Variants in PTPRU observed in about 807,000 individuals in gnomAD.
PTPRU encodes the protein protein tyrosine phosphatase receptor type U, also known as receptor-type tyrosine-protein phosphatase U.
PTPRU carries 69 observed loss-of-function variants against 166.3 expected under a neutral mutation model. The ratio of observed to expected loss-of-function variants is 0.41; its 90% confidence interval spans 0.34 to 0.51. The LOEUF (loss-of-function observed/expected upper bound fraction) is 0.51. Among genes scored for constraint, PTPRU ranks in the 20% least tolerant of loss-of-function variants. The probability of loss-of-function intolerance (pLI) is 0.09; values close to 1 mark genes in which losing one functional copy is unlikely to be tolerated. For synonymous variants in PTPRU, 793 were observed against 814.0 expected, an observed-to-expected ratio of 0.97 and a Z score of 0.44; for missense variants, 1,657 against 2,013.7, an observed-to-expected ratio of 0.82 and a Z score of 3.39.
chr1:29,266,251 G>A (rs1281043644), intron 7 of PTPRU, among the ~76,000 whole-genome samples: 1 of 151,638 alleles, frequency 6.6e-6, no homozygotes, highest in South Asian at 2.1e-4. Context: ...TAGGTGATCC[G>A]GCCTCCCAAA....
Position 29,317,819 on chromosome 1 carries a change from C to T in PTPRU, c.3585C>T (p.Asp1195=), listed in dbSNP as rs762136052. The change falls in exon 25 of 30, where the codon GAC becomes GAT. Residue 1195 remains aspartate (D), a synonymous_variant. Transcript: ENST00000373779. This position sits in a 1 kb window ranked among gnomAD's most constrained non-coding sequence, Gnocchi z 5.6. The part of the protein sequence containing the change: ...CSIALLPRNR[D]KNRSMDVLPP... Reference sequence around the variant, plus strand: ...TCGCCCTGTTGCCCCGGAACCGCGACAAGAACCGCAGCATGGACGTCCTGC... The same window carrying T: ...TCGCCCTGTTGCCCCGGAACCGCGATAAGAACCGCAGCATGGACGTCCTGC... 6.2e-7 allele frequency: 1 copy of T among 1,613,706 alleles called. No homozygotes were observed. Among genetic ancestry groups the T allele is most frequent in the South Asian group, 1.1e-5 (1 of 91,080 alleles).
At chr1:29,323,059 G>C (rs922642661) in intron 26 of PTPRU, among the ~76,000 whole-genome samples, 4 of 152,236 alleles carry the variant, frequency 2.6e-5, no homozygotes, top group African/African-American at 9.6e-5. Flanking sequence ...GCAGCCTCAT[G>C]TAGGAGCGTG....
At chr1:29,302,552 T>A (rs1392363247) in intron 15 of PTPRU, among the ~76,000 whole-genome samples, 5 of 152,032 alleles carry the variant, frequency 3.3e-5, no homozygotes, top group Non-Finnish European at 7.4e-5. Context: ...TATTATGATT[T>A]TTTTTTCTTT....
At chr1:29,325,522 A>G in intron 29 of PTPRU, 77 bp from the exon 30 acceptor site, 1 of 1,527,038 alleles carries the variant, frequency 6.5e-7, no homozygotes, top group South Asian at 1.2e-5. Context: ...TTGCCCTCTC[A>G]CTCCCCGTTC....
intron 7 of PTPRU, among the ~76,000 whole-genome samples, chr1:29,266,780 G>T (rs1182825301): frequency 6.6e-6 from 1 of 152,122 alleles, no homozygotes; most frequent in African/African-American, 2.4e-5. Context: ...CAACATGTGA[G>T]TTCTTCCTGG....
chr1:29,312,738 G>A, intron 22 of PTPRU, 32 bp downstream of exon 22: 1 of 1,583,686 alleles, frequency 6.3e-7, no homozygotes, highest in African/African-American at 1.3e-5. Context: ...AGGAGAAAAG[G>A]GGCCCTTCTC....
intron 26 of PTPRU, among the ~76,000 whole-genome samples, chr1:29,321,239 CTG>C (rs886137798): frequency 8.2e-4 from 117 of 141,850 alleles, no homozygotes; most frequent in African/African-American, 2.9e-3. Context: ...CAAGGTCTCA[CTG>C]TGTTGCCTGG....
At position 29,320,535 on chromosome 1, in the gene PTPRU, A is replaced by G. The variant is rs1019098662; in HGVS notation, c.3688-150A>G. Reference sequence around the variant, plus strand: ...CCCAGGCCTCAGTGTGCCAACCAACATCAGAAATGGCCCACTGGAGGCAGC... The same window carrying G: ...CCCAGGCCTCAGTGTGCCAACCAACGTCAGAAATGGCCCACTGGAGGCAGC... On this transcript the variant is annotated intron_variant, in intron 25 of 29. Transcript: ENST00000373779. The surrounding 1 kb of genome is among the most constrained non-coding windows in gnomAD (Gnocchi z 5.2). The G allele has an allele frequency of 1.1e-6, 1 of 908,346 alleles. No homozygotes were observed. The highest frequency in any genetic ancestry group is 1.7e-5 in the African/African-American group (1 of 59,018). 56.3% of individuals were successfully genotyped at this position (908,346 alleles called of 1,614,324 possible).
Position 29,316,155 on chromosome 1 carries a change from G to A in PTPRU, c.3513+4G>A. On this transcript the variant is annotated splice_donor_region_variant and intron_variant, in intron 24 of 29. Transcript: ENST00000373779. ...CCAGCTGCGGGAAGAGTTCCAGGTGGGGGATGAGTGCGTGTGTATAGGTGT... is the reference window on the plus strand; with the variant it reads ...CCAGCTGCGGGAAGAGTTCCAGGTGAGGGATGAGTGCGTGTGTATAGGTGT... 3 of 1,613,448 alleles carry A rather than the reference G, an allele frequency of 1.9e-6. No homozygotes were observed. The highest frequency in any genetic ancestry group is 1.3e-5 in the African/African-American group (1 of 74,960).
In PTPRU at chr1:29,311,343, T is replaced by G; in HGVS notation, c.2858-113T>G. The G allele has an allele frequency of 1.0e-5, 10 of 955,772 alleles. No individual in the cohort carries two copies. Among genetic ancestry groups the G allele is most frequent in the Non-Finnish European group, 1.6e-5 (10 of 626,468 alleles). The allele number at this position is 955,772 out of a possible 1,614,324, so 59.2% of individuals were successfully genotyped here. A position where few individuals can be genotyped will look rare whatever the true frequency, so the allele number is the denominator to read the frequency against. Reference sequence around the variant, plus strand: ...TGTTGTGGGCAGCATGAAGCCCCCGTTGGGGCTCAGGAGGCCTCCTGGCCT... The same window carrying G: ...TGTTGTGGGCAGCATGAAGCCCCCGGTGGGGCTCAGGAGGCCTCCTGGCCT... On this transcript the variant is annotated intron_variant, in intron 19 of 29. Coordinates refer to ENST00000373779, the MANE Select transcript of PTPRU (RefSeq NM_133178.4). The surrounding 1 kb of genome is among the most constrained non-coding windows in gnomAD (Gnocchi z 4.1).
At chr1:29,263,234 C>T (rs1029451865) in intron 7 of PTPRU, among the ~76,000 whole-genome samples, 4 of 152,356 alleles carry the variant, frequency 2.6e-5, no homozygotes, top group African/African-American at 9.6e-5. Flanking sequence ...ATCCGCCTGC[C>T]TTAGCCTCCC....
chr1:29,288,729 G>C (rs1403213901), intron 14 of PTPRU, among the ~76,000 whole-genome samples: 1 of 152,162 alleles, frequency 6.6e-6, no homozygotes, highest in African/African-American at 2.4e-5. Flanking sequence ...GGAGGCCTCT[G>C]GAGAGCCTGG....
intron 1 of PTPRU, among the ~76,000 whole-genome samples, chr1:29,252,317 G>A (rs995330557): frequency 6.7e-5 from 10 of 150,328 alleles, no homozygotes; most frequent in African/African-American, 2.5e-4. Flanking sequence ...ACCCTGGCTG[G>A]AGTGCAGGGG....
intron 28 of PTPRU, among the ~76,000 whole-genome samples, chr1:29,324,769 C>T (rs1021094251): frequency 1.3e-5 from 2 of 152,144 alleles, no homozygotes; most frequent in Admixed American, 1.3e-4. Context: ...CTGCTCCTCC[C>T]TCTGGGTTCC....
At chr1:29,283,483 A>G (rs1364496245) in intron 12 of PTPRU, among the ~76,000 whole-genome samples, 1 of 151,584 alleles carries the variant, frequency 6.6e-6, no homozygotes. Context: ...CCTGCCTTCT[A>G]TCTTAGATGC....
At chr1:29,259,637 C>T in intron 5 of PTPRU, 73 bp downstream of exon 5, 2 of 1,410,122 alleles carry the variant, frequency 1.4e-6, no homozygotes, top group Non-Finnish European at 1.9e-6. Flanking sequence ...CCCTGACTCC[C>T]CCCAGATTGC....
In PTPRU at chr1:29,237,356, G is replaced by A. The variant is rs1042571182; in HGVS notation, c.73+639G>A. Among the ~76,000 whole-genome samples, 22 of 152,256 alleles carry A rather than the reference G, an allele frequency of 1.4e-4. No individual in the cohort carries two copies. The highest frequency in any genetic ancestry group is 4.6e-4 in the African/African-American group (19 of 41,538). The stretch of plus-strand genomic sequence containing the variant: ...TATGTGGTGTGTGCTGCCGGGGGCC[G>A]CGTGGGTCCGAGTGAATGCCAAGTG... On this transcript the variant is annotated intron_variant, in intron 1 of 29. Transcript: ENST00000373779. This position sits in a 1 kb window ranked among gnomAD's most constrained non-coding sequence, Gnocchi z 6.4.
In PTPRU at chr1:29,297,894, G is replaced by C. The variant is rs2151960544; in HGVS notation, c.2476+5868G>C. On this transcript the variant is annotated intron_variant, in intron 15 of 29. Transcript: ENST00000373779. ...CTTGGGCAGGAGTGGTCAGCATTTT[G>C]GTGAGATGGGTATGGTTGACTGATG... Among the ~76,000 whole-genome samples the C allele has an allele frequency of 2.0e-5, 3 of 152,306 alleles. No individual in the cohort carries two copies. In the South Asian group the frequency reaches 6.2e-4, roughly 32 times the overall value.
rs770406013 is a variant in PTPRU, at chr1:29,304,000, C to T, written c.2622C>T (p.Asn874=). 1.9e-6 allele frequency: 3 copies of T among 1,612,710 alleles called. No individual in the cohort carries two copies. The highest frequency in any genetic ancestry group is 1.1e-5 in the South Asian group (1 of 91,038). ...VRVADLLQHI[N]QMKTAEGYGF... ...TCGCAGACCTTCTGCAGCACATCAA[C>T]CAGATGAAGACGGCCGAGGGTTACG... Residue 874 remains asparagine, a synonymous_variant, in exon 16 of 30, where the codon AAC becomes AAT. Transcript: ENST00000373779.
Sources: gnomAD v4.1 joint callset for allele counts (sites outside exome capture counted in the v4.1 genomes callset) on GRCh38, gnomAD v4.1.1 for gene constraint, Gnocchi (gnomAD v3.1) non-coding constraint, MANE v1.5 for transcripts, NCBI Gene and HGNC (gene_info 2026-07-23, HGNC 2026-07-21) for gene names.